The following ARID1B variants were observed in gnomAD, a reference collection of about 807,000 sequenced individuals.
The protein encoded by ARID1B is AT-rich interaction domain 1B.
In ARID1B, 30 loss-of-function variants were observed where a neutral mutation model predicts 212.3. That is an observed-to-expected ratio of 0.14 (90% CI 0.11 to 0.19). The LOEUF (loss-of-function observed/expected upper bound fraction) is 0.19, where lower values mean the gene tolerates loss of function less well. Among genes scored for constraint, ARID1B ranks in the 10% least tolerant of loss-of-function variants. The probability of loss-of-function intolerance (pLI) is 1.00; values close to 1 mark genes in which losing one functional copy is unlikely to be tolerated. For missense variants in ARID1B, 2,891 were observed against 3,204.0 expected (o/e 0.90, Z 2.36); for synonymous variants, 1,402 against 1,301.7 (o/e 1.08, Z -1.66).
intron 5 of ARID1B, among the ~76,000 whole-genome samples, chr6:157,088,943 CT>C (rs1785116278): frequency 6.6e-6 from 1 of 152,138 alleles, no homozygotes; most frequent in Non-Finnish European, 1.5e-5. Context: ...TATATGTAGT[CT>C]TTTGTTTTCT....
At chr6:156,933,105 T>C (rs2062952042) in intron 3 of ARID1B, among the ~76,000 whole-genome samples, 2 of 152,204 alleles carry the variant, frequency 1.3e-5, no homozygotes, top group Non-Finnish European at 2.9e-5. Context: ...GTTTATCCAC[T>C]ATAGTTGTAA....
At chr6:156,991,551 G>A (rs1778277702) in intron 4 of ARID1B, among the ~76,000 whole-genome samples, 2 of 152,086 alleles carry the variant, frequency 1.3e-5, no homozygotes, top group African/African-American at 4.8e-5. Context: ...ATTAAGCTAG[G>A]ATTGTCTATG....
intron 7 of ARID1B, chr6:157,140,701 T>C: frequency 2.5e-6 from 1 of 398,600 alleles, no homozygotes. Context: ...CTGGGAGGCC[T>C]TTCTTCTTCA....
At chr6:156,963,176 CACCG>C (rs1344410897) in intron 4 of ARID1B, among the ~76,000 whole-genome samples, 3 of 152,156 alleles carry the variant, frequency 2.0e-5, no homozygotes, top group Non-Finnish European at 4.4e-5. Flanking sequence ...GTTTTGCCTG[CACCG>C]ACTGTGTTTG....
chr6:157,184,185 A>C, intron 12 of ARID1B, 46 bp from the exon 13 acceptor site: 1 of 1,541,220 alleles, frequency 6.5e-7, no homozygotes, highest in Non-Finnish European at 8.8e-7. Flanking sequence ...GGCTTTAAAC[A>C]AGCCACTTTG....
chr6:156,906,725 T>G (rs1440275813), intron 3 of ARID1B, among the ~76,000 whole-genome samples: 1 of 152,232 alleles, frequency 6.6e-6, no homozygotes, highest in African/African-American at 2.4e-5. Flanking sequence ...AATGCTTGCC[T>G]TTGCCCATTT....
intron 9 of ARID1B, chr6:157,173,064 G>T (rs139339670): frequency 9.2e-5 from 14 of 152,208 alleles, no homozygotes; most frequent in African/African-American, 2.9e-4. Flanking sequence ...CCAGTGTTGC[G>T]CAGATGGTTT....
intron 1 of ARID1B, among the ~76,000 whole-genome samples, chr6:156,808,315 TA>T (rs1781323024): frequency 6.6e-6 from 1 of 152,090 alleles, no homozygotes; most frequent in Non-Finnish European, 1.5e-5. Flanking sequence ...GATCTTAAAA[TA>T]CTTCAGAGTT....
chr6:156,830,005 A>C (rs1047034805), intron 2 of ARID1B, among the ~76,000 whole-genome samples: 4 of 152,232 alleles, frequency 2.6e-5, no homozygotes, highest in Non-Finnish European at 4.4e-5. Context: ...TACTTAAAAA[A>C]GACTTTTCCT....
At position 156,779,466 on chromosome 6, in the gene ARID1B, T is replaced by C; in HGVS notation, c.1786T>C (p.Ser596Pro). The change falls in exon 1 of 20, where the codon TCC becomes CCC. Residue 596 changes from serine to proline, a missense_variant. Around this residue, in one of 7 missense-constraint regions of ARID1B, gnomAD observed 1,643 missense variants for 1,544.0 expected, o/e 1.06. Transcript: ENST00000636930. The stretch of plus-strand genomic sequence containing the variant: ...CACCCCCGGACCGACCATGGGCAGA[T>C]CCCAGGTAACCCTCGCGCCAGCCGG... ...PGTPGPTMGR[S>P]QGSPMDPMVM... is the part of the protein sequence containing the mutation. The C allele has an allele frequency of 7.1e-7, 1 of 1,410,602 alleles. No homozygotes were observed. The highest frequency in any genetic ancestry group is 9.3e-7 in the Non-Finnish European group (1 of 1,076,052). The allele number at this position is 1,410,602 out of a possible 1,614,324, so 87.4% of individuals were successfully genotyped here.
chr6:157,081,059 T>G (rs1003795612), intron 4 of ARID1B, among the ~76,000 whole-genome samples: 4 of 152,216 alleles, frequency 2.6e-5, no homozygotes, highest in Admixed American at 2.6e-4. Context: ...AGTCATTGCC[T>G]TGCCAATCAC....
intron 16 of ARID1B, among the ~76,000 whole-genome samples, chr6:157,197,401 T>C (rs1194956823): frequency 2.0e-5 from 3 of 152,160 alleles, no homozygotes; most frequent in African/African-American, 7.2e-5. Flanking sequence ...GATGGGTCAG[T>C]GGGAAAGCTT....
intron 5 of ARID1B, among the ~76,000 whole-genome samples, chr6:157,106,873 T>G (rs1042137969): frequency 6.6e-6 from 1 of 152,074 alleles, no homozygotes; most frequent in Admixed American, 6.5e-5. Flanking sequence ...AGTAACTAAA[T>G]GTGGAAGAAA....
intron 4 of ARID1B, among the ~76,000 whole-genome samples, chr6:156,965,877 T>G (rs1275631625): frequency 1.3e-5 from 2 of 152,236 alleles, no homozygotes; most frequent in Non-Finnish European, 2.9e-5. Context: ...CAGATTAGAC[T>G]TCTGAAATTT....
In ARID1B at chr6:156,840,138, G is replaced by A. The variant is rs73572299; in HGVS notation, c.1986+10717G>A. ...ACCTGGTAGCTTCTTCCTTCCCACC[G>A]TCTGGGCCACAACCCCTCCTCTGTT... is the stretch of plus-strand genomic sequence containing the variant. On this transcript the variant is annotated intron_variant, in intron 2 of 19. Coordinates refer to ENST00000636930, the MANE Select transcript of ARID1B (RefSeq NM_001374828.1). Among the ~76,000 whole-genome samples, 396 of 152,164 alleles carry A rather than the reference G, an allele frequency of 2.6e-3. 4 individuals are homozygous for A. The highest frequency in any genetic ancestry group is 9.1e-3 in the African/African-American group (377 of 41,518).
At chr6:156,901,644 G>C (rs973329165) in intron 3 of ARID1B, 119 bp downstream of exon 3, 3 of 1,282,256 alleles carry the variant, frequency 2.3e-6, no homozygotes, top group African/African-American at 3.0e-5. Context: ...AATTAGTTTT[G>C]AGAAAATGCA....
intron 4 of ARID1B, among the ~76,000 whole-genome samples, chr6:157,069,957 C>G (rs1306040586): frequency 6.6e-6 from 1 of 152,152 alleles, no homozygotes; most frequent in Admixed American, 6.5e-5. Context: ...TGATGTAATT[C>G]ATTTTTCCTG....
At position 157,184,149 on chromosome 6, in the gene ARID1B, G is replaced by A. The variant is rs2128324217; in HGVS notation, c.3715-82G>A. 4 of 1,296,520 alleles carry A rather than the reference G, an allele frequency of 3.1e-6. No homozygotes were observed. The South Asian group carries it at 5.8e-5, about 19-fold the overall frequency. The allele number at this position is 1,296,520 out of a possible 1,614,324, so 80.3% of individuals were successfully genotyped here. On this transcript the variant is annotated intron_variant, in intron 12 of 19. Transcript: ENST00000636930. ...AGGCAAATGAAGAAAAGTCAACCAA[G>A]ACATTAAGTGCTTTTTTTGTCTCCT...
intron 2 of ARID1B, among the ~76,000 whole-genome samples, chr6:156,837,110 A>G (rs1783566998): frequency 6.6e-6 from 1 of 152,182 alleles, no homozygotes; most frequent in Admixed American, 6.5e-5. Context: ...AGATTAGCAA[A>G]TTGTTGGTAT....
Sources: allele counts gnomAD v4.1 joint callset (sites outside exome capture counted in the v4.1 genomes callset), GRCh38; gene constraint gnomAD v4.1.1; regional missense constraint gnomAD v4.1.1; transcripts MANE v1.5; gene names NCBI Gene and HGNC (gene_info 2026-07-23, HGNC 2026-07-21).